The following RHBDD1 variants were observed in gnomAD, a reference collection of about 807,000 sequenced individuals.
RHBDD1 encodes the protein rhomboid domain containing 1, also known as rhomboid-related protein 4.
A neutral mutation model predicts 36.3 loss-of-function variants in RHBDD1; 38 were observed. That is an observed-to-expected ratio of 1.05 (90% CI 0.81 to 1.37). The LOEUF is 1.37. Among genes scored for constraint, RHBDD1 ranks in the 40% most tolerant of loss-of-function variants. RHBDD1 has a pLI of 0.00. For missense variants in RHBDD1, 393 were observed against 377.6 expected (o/e 1.04, Z -0.34); for synonymous variants, 151 against 136.5 (o/e 1.11, Z -0.74).
At chr2:226,982,055 C>G (rs757147773) in intron 8 of RHBDD1, among the ~76,000 whole-genome samples, 4 of 152,256 alleles carry the variant, frequency 2.6e-5, no homozygotes, top group Non-Finnish European at 4.4e-5. Context: ...TATCATTCCT[C>G]TTTCACATAT....
At chr2:226,828,545 G>A in the RHBDD1 span, among the ~76,000 whole-genome samples, 9 of 152,176 alleles carry the variant, frequency 5.9e-5, no homozygotes, top group African/African-American at 2.2e-4. Context: ...AACAATGTAT[G>A]AGCATCACAG....
chr2:226,987,616 GTGTGGGAGTCAGA>G (rs1957281442), intron 8 of RHBDD1, among the ~76,000 whole-genome samples: 1 of 152,242 alleles, frequency 6.6e-6, no homozygotes, highest in South Asian at 2.1e-4. Context: ...TCGAACCTCT[GTGTGGGAGTCAGA>G]GGTCCAGGCC....
rs772800223 is a variant in RHBDD1, at chr2:226,867,287, G to A, written c.535G>A (p.Glu179Lys). Residue 179 changes from glutamate to lysine, a missense_variant, in exon 5 of 9, where the codon GAA becomes AAA. Coordinates refer to ENST00000392062, the MANE Select transcript of RHBDD1 (RefSeq NM_001167608.3). ...ACCGAACAGATTTGCTTGTTGGGTC[G>A]AACTTGTGGCTATTCATTTATTCTC... ...PVPNRFACWV[E>K]LVAIHLFSPG... is the part of the protein sequence containing the mutation. 1.2e-6 allele frequency: 2 copies of A among 1,613,478 alleles called. No individual in the cohort carries two copies. The highest frequency in any genetic ancestry group is 4.5e-5 in the East Asian group (2 of 44,834).
At chr2:226,977,980 A>G (rs953291718) in intron 8 of RHBDD1, among the ~76,000 whole-genome samples, 7 of 152,258 alleles carry the variant, frequency 4.6e-5, no homozygotes, top group African/African-American at 9.6e-5. Context: ...TCTTTTCTCT[A>G]TAGTATTTAA....
intron 8 of RHBDD1, among the ~76,000 whole-genome samples, chr2:226,957,617 A>G (rs902507093): frequency 6.6e-6 from 1 of 152,116 alleles, no homozygotes; most frequent in African/African-American, 2.4e-5. Flanking sequence ...AGATCATCAC[A>G]GATTAGGAGA....
chr2:226,871,349 T>TA, intron 5 of RHBDD1, among the ~76,000 whole-genome samples: 1 of 152,316 alleles, frequency 6.6e-6, no homozygotes, highest in South Asian at 2.1e-4. Flanking sequence ...AGGCATCTGT[T>TA]AAACAGAAAA....
intron 8 of RHBDD1, among the ~76,000 whole-genome samples, chr2:226,949,832 G>A (rs569500662): frequency 6.6e-6 from 1 of 152,180 alleles, no homozygotes; most frequent in East Asian, 1.9e-4. Context: ...CTCTGTGCAC[G>A]TGTCCTTGGT....
chr2:226,928,266 C>G (rs1271625150), intron 8 of RHBDD1, among the ~76,000 whole-genome samples: 1 of 151,896 alleles, frequency 6.6e-6, no homozygotes, highest in African/African-American at 2.4e-5. Flanking sequence ...CAGTCTATTT[C>G]TGAAAATGTA....
intron 8 of RHBDD1, among the ~76,000 whole-genome samples, chr2:226,950,618 C>A (rs1039140056): frequency 1.3e-5 from 2 of 152,092 alleles, no homozygotes; most frequent in African/African-American, 4.8e-5. Flanking sequence ...GCAAGAGTTC[C>A]CCTTTCTCCA....
chr2:226,847,771 T>C (rs1942376732), intron 3 of RHBDD1, among the ~76,000 whole-genome samples: 1 of 152,244 alleles, frequency 6.6e-6, no homozygotes, highest in South Asian at 2.1e-4. Flanking sequence ...CTTTCAGTGA[T>C]CTGGCAAAAC....
intron 8 of RHBDD1, among the ~76,000 whole-genome samples, chr2:226,948,596 AAAAAT>A (rs1411190323): frequency 9.6e-5 from 9 of 93,498 alleles, no homozygotes; most frequent in African/African-American, 4.0e-4. Context: ...CGAAAAAAAT[AAAAAT>A]AAAAAAAAAT....
At position 226,917,849 on chromosome 2, in the gene RHBDD1, G is replaced by T. The variant is rs373728801; in HGVS notation, c.856+3498G>T. 4.0e-5 allele frequency among the ~76,000 whole-genome samples: 6 copies of T among 151,648 alleles called. No individual in the cohort carries two copies. In the South Asian group the frequency reaches 6.3e-4, roughly 16 times the overall value. ...GGCCTTGGTTAGGATTTTGAATTAC[G>T]GTGAATGAAATATAAAAATAAATAA... On this transcript the variant is annotated intron_variant, in intron 8 of 8. Coordinates refer to ENST00000392062, the MANE Select transcript of RHBDD1 (RefSeq NM_001167608.3).
At chr2:226,911,239 G>T (rs1948492474) in intron 7 of RHBDD1, among the ~76,000 whole-genome samples, 1 of 152,100 alleles carries the variant, frequency 6.6e-6, no homozygotes, top group South Asian at 2.1e-4. Context: ...ATTTTTGGGG[G>T]TGGATAGGTA....
chr2:226,839,755 A>G (rs1017393096), intron 3 of RHBDD1, 128 bp downstream of exon 3: 2 of 151,366 alleles, frequency 1.3e-5, no homozygotes, highest in African/African-American at 4.9e-5. Flanking sequence ...CCTGACCCGT[A>G]TTTTACAAAG....
chr2:226,840,674 A>T (rs966472697), intron 3 of RHBDD1, among the ~76,000 whole-genome samples: 1 of 152,180 alleles, frequency 6.6e-6, no homozygotes, highest in Non-Finnish European at 1.5e-5. Context: ...TTCTGGCATT[A>T]GCTCTAGGAA....
chr2:226,931,616 A>G (rs1251129103), intron 8 of RHBDD1, among the ~76,000 whole-genome samples: 1 of 152,080 alleles, frequency 6.6e-6, no homozygotes, highest in Non-Finnish European at 1.5e-5. Flanking sequence ...CATGTAACTA[A>G]AAATTACTTG....
chr2:226,917,849 G>A (rs373728801), intron 8 of RHBDD1, among the ~76,000 whole-genome samples: 5 of 151,530 alleles, frequency 3.3e-5, no homozygotes, highest in Admixed American at 2.0e-4. Context: ...TTTGAATTAC[G>A]GTGAATGAAA....
intron 8 of RHBDD1, among the ~76,000 whole-genome samples, chr2:226,925,324 T>C (rs1949592786): frequency 6.6e-6 from 1 of 152,184 alleles, no homozygotes; most frequent in Non-Finnish European, 1.5e-5. Context: ...CTTAAATACA[T>C]TGAAATTTGC....
chr2:226,867,275 G>T lies in RHBDD1; in HGVS notation c.523G>T (p.Ala175Ser), dbSNP rs2125256207. Reference sequence around the variant, plus strand: ...GGGCTTTCCTGTACCGAACAGATTTGCTTGTTGGGTCGAACTTGTGGCTAT... The same window carrying T: ...GGGCTTTCCTGTACCGAACAGATTTTCTTGTTGGGTCGAACTTGTGGCTAT... ...ILGFPVPNRF[A>S]CWVELVAIHL... Residue 175 changes from alanine (A) to serine (S), a missense_variant, in exon 5 of 9, where the codon GCT becomes TCT. Physicochemically the swap from Ala to Ser is moderately conservative, Grantham distance 99. Coordinates refer to ENST00000392062, the MANE Select transcript of RHBDD1 (RefSeq NM_001167608.3). The T allele has an allele frequency of 1.2e-6, 2 of 1,613,558 alleles. No individual in the cohort carries two copies. Among genetic ancestry groups the T allele is most frequent in the South Asian group, 1.1e-5 (1 of 90,940 alleles).
Sources: gnomAD v4.1 joint callset for allele counts (sites outside exome capture counted in the v4.1 genomes callset) on GRCh38, gnomAD v4.1.1 for gene constraint, MANE v1.5 for transcripts, NCBI Gene and HGNC (gene_info 2026-07-23, HGNC 2026-07-21) for gene names.